DLG5: variants seen among roughly 807,000 people sequenced by gnomAD.
DLG5 encodes disks large homolog 5.
DLG5 carries 48 observed loss-of-function variants against 189.8 expected under a neutral mutation model. That is an observed-to-expected ratio of 0.25 (90% CI 0.20 to 0.32). The LOEUF (loss-of-function observed/expected upper bound fraction) is 0.32, where lower values mean the gene tolerates loss of function less well. DLG5 is among the 10% of genes least tolerant of loss of function. The pLI, the probability that DLG5 is intolerant of heterozygous loss-of-function variation, is 1.00. For synonymous variants in DLG5, 1,016 were observed against 1,054.1 expected (o/e 0.96, Z 0.70); for missense variants, 2,160 against 2,544.7 (o/e 0.85, Z 3.25).
intron 1 of DLG5, among the ~76,000 whole-genome samples, chr10:77,913,440 A>G (rs1346202269): frequency 2.0e-5 from 3 of 152,220 alleles, no homozygotes; most frequent in Non-Finnish European, 2.9e-5. Context: ...ACTTGATAAC[A>G]TTAAGAAATT....
intron 1 of DLG5, among the ~76,000 whole-genome samples, chr10:77,904,539 G>A (rs982134489): frequency 1.3e-5 from 2 of 152,076 alleles, no homozygotes; most frequent in African/African-American, 4.8e-5. Flanking sequence ...TGTTGTGGGA[G>A]GGACTTACGG....
At position 77,853,444 on chromosome 10, in the gene DLG5, T is replaced by C. The variant is rs746525413; in HGVS notation, c.774A>G (p.Arg258=). ...RRENGQLLRE[R]NLLQQSWEDM... is the part of the protein sequence containing the mutation. ...CCTCCCATGACTGCTGCAGCAGGTT[T>C]CGCTCCCGCAGCAGCTGCCCATTCT... Residue 258 remains arginine (R), a synonymous_variant, in exon 5 of 32, where the codon CGA becomes CGG. Coordinates refer to ENST00000372391, the MANE Select transcript of DLG5 (RefSeq NM_004747.4). 1 of 1,611,066 alleles carries C rather than the reference T, an allele frequency of 6.2e-7. No individual in the cohort carries two copies. Among genetic ancestry groups the C allele is most frequent in the Non-Finnish European group, 8.5e-7 (1 of 1,178,766 alleles).
intron 5 of DLG5, among the ~76,000 whole-genome samples, chr10:77,853,147 ATTTT>A (rs71030909): frequency 7.0e-6 from 1 of 143,808 alleles, no homozygotes; most frequent in Non-Finnish European, 1.5e-5. Flanking sequence ...TGTCCAGCTA[ATTTT>A]TTTTTTTTTT....
At chr10:77,914,231 T>A (rs371577219) in intron 1 of DLG5, among the ~76,000 whole-genome samples, 4 of 152,226 alleles carry the variant, frequency 2.6e-5, no homozygotes, top group East Asian at 1.9e-4. Context: ...ATGGGCCTCC[T>A]CGTCCACTGC....
chr10:77,926,139 G>A lies in DLG5; in HGVS notation c.304+78C>T, dbSNP rs1011649148. 4.7e-6 allele frequency: 6 copies of A among 1,280,106 alleles called. No homozygotes were observed. The highest frequency in any genetic ancestry group is 4.1e-5 in the Admixed American group (1 of 24,222). The allele number at this position is 1,280,106 out of a possible 1,614,324, so 79.3% of individuals were successfully genotyped here. ...CATCGCCAGGTGGAGCGGCGGCCCC[G>A]GCGAGGTACCCTCGGCCAGCAGGAG... On this transcript the variant is annotated intron_variant, in intron 1 of 31. Transcript: ENST00000372391. The surrounding 1 kb of genome is among the most constrained non-coding windows in gnomAD (Gnocchi z 5.2).
intron 1 of DLG5, among the ~76,000 whole-genome samples, chr10:77,873,974 T>A (rs953721811): frequency 6.6e-6 from 1 of 152,180 alleles, no homozygotes; most frequent in African/African-American, 2.4e-5. Flanking sequence ...TGCCACATCC[T>A]GCCGCCCTCC....
At chr10:77,855,368 A>G (rs1167349400) in intron 3 of DLG5, among the ~76,000 whole-genome samples, 2 of 152,224 alleles carry the variant, frequency 1.3e-5, no homozygotes, top group Non-Finnish European at 2.9e-5. Context: ...CTGTGCATTA[A>G]CAAGCTCTGT....
At chr10:77,901,147 A>G (rs1433415774) in intron 1 of DLG5, among the ~76,000 whole-genome samples, 5 of 152,022 alleles carry the variant, frequency 3.3e-5, no homozygotes, top group Non-Finnish European at 5.9e-5. Context: ...GAGAAGAAAA[A>G]AGAAAAACAA....
At position 77,835,779 on chromosome 10, in the gene DLG5, G is replaced by A; in HGVS notation, c.1581C>T (p.Phe527=). 1 of 1,613,666 alleles carries A rather than the reference G, an allele frequency of 6.2e-7. No homozygotes were observed. Among genetic ancestry groups the A allele is most frequent in the Non-Finnish European group, 8.5e-7 (1 of 1,179,954 alleles). The change falls in exon 8 of 32, where the codon TTC becomes TTT. Residue 527 remains phenylalanine, a synonymous_variant. Transcript: ENST00000372391. ...DVAKCRRDWA[F]QERDKIVAER... is the part of the protein sequence containing the mutation. ...CTGCTACAATCTTGTCTCGCTCCTGGAAGGCCCAGTCCCGCCGGCACTTGG... is the reference window on the plus strand; with the variant it reads ...CTGCTACAATCTTGTCTCGCTCCTGAAAGGCCCAGTCCCGCCGGCACTTGG...
chr10:77,852,832 C>T lies in DLG5; in HGVS notation c.864+522G>A, dbSNP rs117914519. ...AACTCATGGCTTTCAATCTACCTGT[C>T]TGATATAGAAATACAGATATACATA... On this transcript the variant is annotated intron_variant, in intron 5 of 31. Transcript: ENST00000372391. Among the ~76,000 whole-genome samples, 995 of 152,262 alleles carry T rather than the reference C, an allele frequency of 6.5e-3. 6 individuals carry two copies. Among genetic ancestry groups the T allele is most frequent in the Non-Finnish European group, 0.011 (774 of 68,022 alleles).
At chr10:77,902,574 T>C (rs75767892) in intron 1 of DLG5, among the ~76,000 whole-genome samples, 7,993 of 152,136 alleles carry the variant, frequency 0.053, 689 homozygotes, top group African/African-American at 0.18. Context: ...AAACGAGCCA[T>C]TGAGGGCCGG....
At chr10:77,874,054 C>T (rs549045659) in intron 1 of DLG5, among the ~76,000 whole-genome samples, 12 of 152,354 alleles carry the variant, frequency 7.9e-5, no homozygotes, top group South Asian at 4.1e-4. Context: ...CAATCGCTCC[C>T]GGACTCACAC....
intron 9 of DLG5, 106 bp from the exon 10 acceptor site, chr10:77,830,979 G>C (rs1435277930): frequency 7.5e-7 from 1 of 1,340,826 alleles, no homozygotes; most frequent in Non-Finnish European, 1.0e-6. Context: ...AGCTAAAATG[G>C]GTTCCTTTCC....
intron 1 of DLG5, among the ~76,000 whole-genome samples, chr10:77,869,919 T>C (rs1844832366): frequency 6.6e-6 from 1 of 151,682 alleles, no homozygotes; most frequent in Non-Finnish European, 1.5e-5. Flanking sequence ...TGGGTCGTGC[T>C]GAGCAAGTAG....
At chr10:77,818,240 G>T (rs559722297) in intron 17 of DLG5, among the ~76,000 whole-genome samples, 1 of 152,310 alleles carries the variant, frequency 6.6e-6, no homozygotes, top group East Asian at 1.9e-4. Context: ...AAGTGGGTAA[G>T]GAGAGACAAG....
intron 1 of DLG5, among the ~76,000 whole-genome samples, chr10:77,923,927 C>A (rs1846610549): frequency 6.6e-6 from 1 of 152,080 alleles, no homozygotes; most frequent in South Asian, 2.1e-4. Flanking sequence ...TCCAAGGGCA[C>A]CATGTCAACT....
At chr10:77,860,478 G>A (rs781770167) in intron 2 of DLG5, among the ~76,000 whole-genome samples, 5 of 152,162 alleles carry the variant, frequency 3.3e-5, no homozygotes, top group Non-Finnish European at 7.3e-5. Flanking sequence ...TTTGTATTTA[G>A]TAGAGATGGA....
intron 5 of DLG5, among the ~76,000 whole-genome samples, chr10:77,852,009 A>C (rs1248690): frequency 6.6e-6 from 1 of 152,012 alleles, no homozygotes; most frequent in Admixed American, 6.6e-5. Context: ...AGATGGGAAC[A>C]GGATGGGGGA....
chr10:77,836,950 C>T (rs1183447514), intron 7 of DLG5, among the ~76,000 whole-genome samples: 1 of 151,724 alleles, frequency 6.6e-6, no homozygotes, highest in African/African-American at 2.4e-5. Context: ...TACAGTGGCT[C>T]ACACCTGTAA....
Sources: allele counts gnomAD v4.1 joint callset (sites outside exome capture counted in the v4.1 genomes callset), GRCh38; gene constraint gnomAD v4.1.1; non-coding constraint Gnocchi (gnomAD v3.1); transcripts MANE v1.5; gene names NCBI Gene and HGNC (gene_info 2026-07-23, HGNC 2026-07-21).